DCC: variants seen among roughly 807,000 people sequenced by gnomAD.
DCC encodes DCC netrin 1 receptor, also known as netrin receptor DCC.
A neutral mutation model predicts 172.5 loss-of-function variants in DCC; 58 were observed. The ratio of observed to expected loss-of-function variants is 0.34; its 90% CI spans 0.27 to 0.42. The LOEUF (loss-of-function observed/expected upper bound fraction) is 0.42, where lower values mean the gene tolerates loss of function less well. Among genes scored for constraint, DCC ranks in the 10% least tolerant of loss-of-function variants. DCC has a pLI of 1.00. For synonymous variants in DCC, 709 were observed against 644.5 expected (o/e 1.10, Z -1.52); for missense variants, 1,740 against 1,791.0 (o/e 0.97, Z 0.51).
At chr18:53,013,313 A>G (rs936426796) in intron 5 of DCC, among the ~76,000 whole-genome samples, 3 of 152,132 alleles carry the variant, frequency 2.0e-5, no homozygotes, top group Admixed American at 2.0e-4. Context: ...TCCATAATTG[A>G]TAGACTAGAT....
chr18:53,014,268 T>C (rs2143892232), intron 5 of DCC, among the ~76,000 whole-genome samples: 1 of 152,320 alleles, frequency 6.6e-6, no homozygotes, highest in Non-Finnish European at 1.5e-5. Flanking sequence ...AACTGTTCTT[T>C]GGAACATATG....
At chr18:52,963,089 CTTAAATTATAA>C (rs1345341844) in intron 5 of DCC, among the ~76,000 whole-genome samples, 32 of 151,480 alleles carry the variant, frequency 2.1e-4, no homozygotes, top group African/African-American at 7.3e-4. Flanking sequence ...TACCCTAAAA[CTTAAATTATAA>C]TTATAATAAA....
At position 53,459,411 on chromosome 18, in the gene DCC, A is replaced by T. The variant is rs2270950; in HGVS notation, c.3572A>T (p.His1191Leu). ...QSCQDLTPVS[H>L]SQSETQLGSK... The stretch of plus-strand genomic sequence containing the variant: ...TGCCAAGACCTCACACCAGTCAGCC[A>T]CAGCCAGTCAGAAACCCAACTGGGA... The change falls in exon 24 of 29, where the codon CAC becomes CTC. Residue 1191 changes from histidine (H) to leucine (L), a missense_variant. Physicochemically the swap from His to Leu is moderately conservative, Grantham distance 99. Around this residue, in one of 2 missense-constraint regions of DCC, gnomAD observed 1,732 missense variants for 1,767.4 expected, o/e 0.98. Transcript: ENST00000442544. 6.2e-7 allele frequency: 1 copy of T among 1,614,058 alleles called. No individual in the cohort carries two copies. Among genetic ancestry groups the T allele is most frequent in the East Asian group, 2.2e-5 (1 of 44,852 alleles).
In DCC at chr18:53,397,427, T is replaced by G; in HGVS notation, c.2808T>G (p.His936Gln). The G allele has an allele frequency of 6.2e-7, 1 of 1,614,022 alleles. No individual in the cohort carries two copies. Among genetic ancestry groups the G allele is most frequent in the Non-Finnish European group, 8.5e-7 (1 of 1,179,936 alleles). The change falls in exon 18 of 29, where the codon CAT becomes CAG. Residue 936 changes from histidine (H) to glutamine (Q), a missense_variant. This residue lies in a region of DCC where 1,732 missense variants were observed against 1,767.4 expected (regional missense o/e 0.98). Coordinates refer to ENST00000442544, the MANE Select transcript of DCC (RefSeq NM_005215.4). ...CCAGTACTTGGAGCATGACTGCACA[T>G]GCCACCACGTATGAAGCAGGTATGT... ...RRSSTWSMTA[H>Q]ATTYEAAPTS...
intron 3 of DCC, among the ~76,000 whole-genome samples, chr18:52,918,699 T>A (rs1245507507): frequency 6.6e-6 from 1 of 152,126 alleles, no homozygotes; most frequent in African/African-American, 2.4e-5. Context: ...AAAATATAAA[T>A]ATACTTTCTT....
At chr18:52,365,688 C>T (rs896503942) in intron 1 of DCC, among the ~76,000 whole-genome samples, 3 of 152,100 alleles carry the variant, frequency 2.0e-5, no homozygotes, top group African/African-American at 7.2e-5. Context: ...GCTGGGAGGA[C>T]GTGCTAATTT....
In DCC at chr18:52,783,530, A is replaced by AT. The variant is rs562056256; in HGVS notation, c.412+31162dup. Among the ~76,000 whole-genome samples the AT allele has an allele frequency of 6.7e-3, 1,008 of 151,304 alleles. 6 individuals carry two copies. The highest frequency in any genetic ancestry group is 0.011 in the Non-Finnish European group (712 of 67,764). On this transcript the variant is annotated intron_variant, in intron 2 of 28. Coordinates refer to ENST00000442544, the MANE Select transcript of DCC (RefSeq NM_005215.4). ...TTATGTCCATGATGTTGATAGTATT[A>AT]TTTTTTCTGTAAAAGACATTGTAGT... is the stretch of plus-strand genomic sequence containing the variant.
At chr18:53,355,384 T>C (rs2057866622) in intron 15 of DCC, among the ~76,000 whole-genome samples, 1 of 152,190 alleles carries the variant, frequency 6.6e-6, no homozygotes, top group African/African-American at 2.4e-5. Flanking sequence ...ATTTTCAGGA[T>C]ATTGATTCTT....
intron 1 of DCC, among the ~76,000 whole-genome samples, chr18:52,665,590 C>CCAT (rs1331763264): frequency 2.6e-5 from 4 of 152,074 alleles, no homozygotes; most frequent in Non-Finnish European, 5.9e-5. Context: ...CTGATTTATA[C>CCAT]CATCTATTGA....
At chr18:52,607,168 G>A (rs1004196302) in intron 1 of DCC, among the ~76,000 whole-genome samples, 3 of 152,078 alleles carry the variant, frequency 2.0e-5, no homozygotes, top group African/African-American at 7.2e-5. Flanking sequence ...ATCATTTCAT[G>A]CTGCCATGTC....
chr18:53,338,508 A>G (rs572914437), intron 14 of DCC, among the ~76,000 whole-genome samples: 1 of 152,248 alleles, frequency 6.6e-6, no homozygotes, highest in South Asian at 2.1e-4. Flanking sequence ...AGGCTGAGGC[A>G]GAGAATTGCT....
chr18:53,007,282 A>C (rs2041660854), intron 5 of DCC, among the ~76,000 whole-genome samples: 1 of 152,138 alleles, frequency 6.6e-6, no homozygotes, highest in African/African-American at 2.4e-5. Flanking sequence ...GACAATGATA[A>C]ATTTTATAGT....
intron 7 of DCC, among the ~76,000 whole-genome samples, chr18:53,090,719 A>AAAAAAAAAC (rs2042993434): frequency 7.3e-6 from 1 of 136,864 alleles, no homozygotes; most frequent in Admixed American, 7.4e-5. Flanking sequence ...AAAAAAAAAA[A>AAAAAAAAAC]AAAAAAAAAA....
At chr18:52,743,341 G>A (rs570038659) in intron 1 of DCC, among the ~76,000 whole-genome samples, 2 of 152,324 alleles carry the variant, frequency 1.3e-5, no homozygotes, top group South Asian at 4.1e-4. Context: ...TGAGAGGGAA[G>A]AAGGCTCAAA....
chr18:52,597,804 C>A (rs935792029), intron 1 of DCC, among the ~76,000 whole-genome samples: 1 of 152,166 alleles, frequency 6.6e-6, no homozygotes, highest in Non-Finnish European at 1.5e-5. Flanking sequence ...CAACAAAATG[C>A]TCTAGATTCT....
At chr18:53,265,150 AT>A (rs1425452884) in intron 12 of DCC, among the ~76,000 whole-genome samples, 4 of 152,144 alleles carry the variant, frequency 2.6e-5, no homozygotes, top group Non-Finnish European at 4.4e-5. Flanking sequence ...ATGGGAAATA[AT>A]GTGTTCTTTT....
At chr18:53,113,289 G>A (rs970686857) in intron 7 of DCC, among the ~76,000 whole-genome samples, 2 of 151,274 alleles carry the variant, frequency 1.3e-5, no homozygotes, top group African/African-American at 2.4e-5. Flanking sequence ...TATAGAACAC[G>A]TAAGATTTAT....
At chr18:52,466,896 G>T (rs1221983) in intron 1 of DCC, among the ~76,000 whole-genome samples, 54,273 of 151,840 alleles carry the variant, frequency 0.36, 10,129 homozygotes, top group Admixed American at 0.43. Flanking sequence ...ATCTAAATTT[G>T]GAAGATGAGC....
At chr18:52,766,591 G>T (rs190049789) in intron 2 of DCC, among the ~76,000 whole-genome samples, 2 of 152,162 alleles carry the variant, frequency 1.3e-5, no homozygotes, top group East Asian at 3.9e-4. Context: ...TTCCCTTGAA[G>T]TCTGGCCATC....
Sources: allele counts gnomAD v4.1 joint callset (sites outside exome capture counted in the v4.1 genomes callset), GRCh38; gene constraint gnomAD v4.1.1; regional missense constraint gnomAD v4.1.1; transcripts MANE v1.5; gene names NCBI Gene and HGNC (gene_info 2026-07-23, HGNC 2026-07-21).